The following NKAIN2 variants were observed in gnomAD, a reference collection of about 807,000 sequenced individuals.
NKAIN2 encodes sodium/potassium-transporting ATPase subunit beta-1-interacting protein 2.
Under a neutral mutation model 32.6 loss-of-function variants are expected in NKAIN2, and 14 were observed. The observed-to-expected ratio is 0.43, with a 90% CI of 0.28 to 0.67. The LOEUF is 0.67. Among genes scored for constraint, NKAIN2 ranks in the 30% least tolerant of loss-of-function variants. The pLI, the probability that NKAIN2 is intolerant of heterozygous loss-of-function variation, is 0.17. For missense variants in NKAIN2, 198 were observed against 258.3 expected, an observed-to-expected ratio of 0.77 and a Z score of 1.60; for synonymous variants, 80 against 87.2, an observed-to-expected ratio of 0.92 and a Z score of 0.46.
At chr6:123,833,691 C>CTGTGTGTGTGTGTGTGTG (rs59906355) in intron 1 of NKAIN2, among the ~76,000 whole-genome samples, 4 of 129,546 alleles carry the variant, frequency 3.1e-5, no homozygotes, top group African/African-American at 1.2e-4. Context: ...ATTTTTTTTC[C>CTGTGTGTGTGTGTGTGTG]TGTGTGTGTG....
chr6:124,774,997 GAGAGA>G (rs1778925745), intron 4 of NKAIN2, among the ~76,000 whole-genome samples: 1 of 151,966 alleles, frequency 6.6e-6, no homozygotes, highest in African/African-American at 2.4e-5. Flanking sequence ...TCCAATTCTA[GAGAGA>G]AGAGAAGAGA....
chr6:124,113,501 C>T (rs568420658), intron 1 of NKAIN2, among the ~76,000 whole-genome samples: 1 of 152,172 alleles, frequency 6.6e-6, no homozygotes, highest in South Asian at 2.1e-4. Context: ...TGGGGAGTAT[C>T]AATGGCCTGT....
At chr6:124,463,932 A>G (rs1776637616) in intron 3 of NKAIN2, among the ~76,000 whole-genome samples, 1 of 152,054 alleles carries the variant, frequency 6.6e-6, no homozygotes. Context: ...TGTAACCTCT[A>G]AAGATAGTAA....
intron 3 of NKAIN2, among the ~76,000 whole-genome samples, chr6:124,408,751 A>G (rs1285255408): frequency 3.3e-5 from 5 of 152,108 alleles, no homozygotes; most frequent in Non-Finnish European, 5.9e-5. Context: ...TTGGTAGCTT[A>G]ATGGGGATGG....
At chr6:124,676,437 A>T (rs748329332) in intron 4 of NKAIN2, among the ~76,000 whole-genome samples, 7 of 152,112 alleles carry the variant, frequency 4.6e-5, no homozygotes, top group Non-Finnish European at 1.0e-4. Flanking sequence ...ATCTCCTACT[A>T]TCATTTAATT....
chr6:124,348,575 G>A (rs1798559866), intron 2 of NKAIN2, among the ~76,000 whole-genome samples: 1 of 152,222 alleles, frequency 6.6e-6, no homozygotes, highest in African/African-American at 2.4e-5. Flanking sequence ...CTGCCTTGCA[G>A]TTTGATCTCA....
chr6:124,376,993 G>C (rs570288826), intron 3 of NKAIN2, among the ~76,000 whole-genome samples: 159 of 152,248 alleles, frequency 1.0e-3, no homozygotes, highest in Non-Finnish European at 1.9e-3. Context: ...CATGTTGATG[G>C]ATGCTTGGTA....
At chr6:124,111,744 C>T (rs1356123713) in intron 1 of NKAIN2, among the ~76,000 whole-genome samples, 1 of 151,744 alleles carries the variant, frequency 6.6e-6, no homozygotes, top group Non-Finnish European at 1.5e-5. Context: ...TTTTGTATGT[C>T]TTCCTCTCTT....
At chr6:124,149,963 C>T (rs148268729) in intron 1 of NKAIN2, among the ~76,000 whole-genome samples, 2 of 152,082 alleles carry the variant, frequency 1.3e-5, no homozygotes, top group Admixed American at 6.6e-5. Flanking sequence ...GTTCCCCTTT[C>T]GGTGAAGGTC....
At chr6:123,837,062 A>T (rs2114926337) in intron 1 of NKAIN2, among the ~76,000 whole-genome samples, 1 of 152,270 alleles carries the variant, frequency 6.6e-6, no homozygotes, top group South Asian at 2.1e-4. Flanking sequence ...GCTCATTATA[A>T]GTATCAGAAG....
intron 1 of NKAIN2, among the ~76,000 whole-genome samples, chr6:123,940,863 A>G (rs971788673): frequency 6.6e-6 from 1 of 151,982 alleles, no homozygotes; most frequent in South Asian, 2.1e-4. Flanking sequence ...TTCATTCTTC[A>G]ATAATAAATT....
chr6:124,558,227 A>G (rs530822), intron 3 of NKAIN2, among the ~76,000 whole-genome samples: 40,637 of 152,104 alleles, frequency 0.27, 5,688 homozygotes, highest in Middle Eastern at 0.37. Flanking sequence ...AGTCTCCTTC[A>G]TGATTTATGT....
chr6:124,622,532 ACT>A (rs1160402912), intron 3 of NKAIN2, among the ~76,000 whole-genome samples: 1 of 152,152 alleles, frequency 6.6e-6, no homozygotes, highest in East Asian at 1.9e-4. Context: ...CTCAGTGGGC[ACT>A]CTGCCTTTTT....
At chr6:124,083,888 A>G (rs961535287) in intron 1 of NKAIN2, among the ~76,000 whole-genome samples, 1 of 152,036 alleles carries the variant, frequency 6.6e-6, no homozygotes, top group African/African-American at 2.4e-5. Context: ...AAATTCCAGC[A>G]TGGATAGATC....
At chr6:124,523,341 A>G (rs964448627) in intron 3 of NKAIN2, among the ~76,000 whole-genome samples, 2 of 151,988 alleles carry the variant, frequency 1.3e-5, no homozygotes, top group Non-Finnish European at 2.9e-5. Context: ...GTTTATCACT[A>G]TACTCCTTTG....
intron 1 of NKAIN2, among the ~76,000 whole-genome samples, chr6:123,947,767 G>A (rs931715538): frequency 6.6e-6 from 1 of 152,096 alleles, no homozygotes; most frequent in East Asian, 1.9e-4. Flanking sequence ...AACATTTCAA[G>A]TCCTCTGTTA....
intron 1 of NKAIN2, among the ~76,000 whole-genome samples, chr6:124,257,969 C>A (rs1416426359): frequency 6.6e-6 from 1 of 151,538 alleles, no homozygotes. Context: ...TTAGTAGAGA[C>A]GGGGTTTCAC....
intron 3 of NKAIN2, among the ~76,000 whole-genome samples, chr6:124,525,939 T>A (rs114793999): frequency 6.2e-4 from 95 of 152,188 alleles, no homozygotes; most frequent in African/African-American, 2.2e-3. Context: ...CAAGTGCATA[T>A]CAACATAGCA....
At chr6:124,720,562 T>G (rs539572738) in intron 4 of NKAIN2, among the ~76,000 whole-genome samples, 6 of 152,358 alleles carry the variant, frequency 3.9e-5, no homozygotes, top group African/African-American at 1.4e-4. Context: ...TTTTGAAATT[T>G]TTCATGGAAA....
Sources: allele counts gnomAD v4.1 joint callset (sites outside exome capture counted in the v4.1 genomes callset), GRCh38; gene constraint gnomAD v4.1.1; transcripts MANE v1.5; gene names NCBI Gene and HGNC (gene_info 2026-07-23, HGNC 2026-07-21).